The following ANO6 variants were observed in gnomAD, a reference collection of about 807,000 sequenced individuals.
ANO6 encodes the protein anoctamin-6.
In ANO6, 106 loss-of-function variants were observed where a neutral mutation model predicts 117.5. That is an observed-to-expected ratio of 0.90 (90% CI 0.77 to 1.06). The LOEUF (loss-of-function observed/expected upper bound fraction) is 1.06. Ranked by LOEUF, ANO6 falls within the 50% of genes least tolerant of loss-of-function variation. The pLI is 0.00. For missense variants in ANO6, 955 were observed against 1,121.1 expected, an observed-to-expected ratio of 0.85 and a Z score of 2.12; for synonymous variants, 367 against 385.1, an observed-to-expected ratio of 0.95 and a Z score of 0.55.
Position 45,312,800 on chromosome 12 carries a change from C to T in ANO6, c.150+10707C>T, listed in dbSNP as rs1939889143. On this transcript the variant is annotated intron_variant, in intron 2 of 19. Coordinates refer to ENST00000320560, the MANE Select transcript of ANO6 (RefSeq NM_001025356.3). ...CTGACAGATTATAATAACTACCAAA[C>T]AGCATCTCCATTAATTGTAATGGGC... Among the ~76,000 whole-genome samples, 3 of 152,154 alleles carry T rather than the reference C, an allele frequency of 2.0e-5. 1 individual carries two copies. The Middle Eastern group carries it at 0.01, about 518-fold the overall frequency.
chr12:45,325,550 T>C (rs753839691), intron 2 of ANO6, among the ~76,000 whole-genome samples: 1 of 152,222 alleles, frequency 6.6e-6, no homozygotes, highest in Non-Finnish European at 1.5e-5. Context: ...TAAAGTTTGA[T>C]CTCTCCTACA....
At chr12:45,305,827 C>G (rs180779380) in intron 2 of ANO6, among the ~76,000 whole-genome samples, 8 of 152,124 alleles carry the variant, frequency 5.3e-5, no homozygotes, top group African/African-American at 1.9e-4. Context: ...AATCCCAGGT[C>G]TGGTTAAGAG....
At chr12:45,345,108 C>T (rs1234931077) in intron 3 of ANO6, among the ~76,000 whole-genome samples, 1 of 152,174 alleles carries the variant, frequency 6.6e-6, no homozygotes. Context: ...GTTCAAATTG[C>T]AGCCAATAGT....
At chr12:45,269,562 A>C (rs1180831041) in intron 1 of ANO6, among the ~76,000 whole-genome samples, 1 of 152,230 alleles carries the variant, frequency 6.6e-6, no homozygotes, top group African/African-American at 2.4e-5. Context: ...CTGTTTGTTT[A>C]GTTCACCATT....
At chr12:45,376,104 C>G (rs1174388349) in intron 9 of ANO6, among the ~76,000 whole-genome samples, 2,229 of 151,502 alleles carry the variant, frequency 0.015, 51 homozygotes, top group African/African-American at 0.051. Flanking sequence ...TGAAAAAATG[C>G]TCATCATCAC....
chr12:45,286,052 A>T (rs1326020682), intron 1 of ANO6, among the ~76,000 whole-genome samples: 4 of 152,224 alleles, frequency 2.6e-5, no homozygotes, highest in Admixed American at 2.0e-4. Flanking sequence ...ACCTGAGGCT[A>T]CTGGGCTGTG....
chr12:45,351,679 G>A (rs1483951736), intron 7 of ANO6, among the ~76,000 whole-genome samples: 2 of 152,152 alleles, frequency 1.3e-5, no homozygotes, highest in Non-Finnish European at 2.9e-5. Flanking sequence ...TCTAGGAATA[G>A]GGGCAGCTTG....
At chr12:45,270,485 C>T in intron 1 of ANO6, 1 of 1,469,944 alleles carries the variant, frequency 6.8e-7, no homozygotes, top group Non-Finnish European at 9.2e-7. Context: ...CTCCAGGAGG[C>T]CTTTTCTGAC....
chr12:45,291,033 A>G (rs1422446884), intron 1 of ANO6, among the ~76,000 whole-genome samples: 1 of 152,226 alleles, frequency 6.6e-6, no homozygotes, highest in African/African-American at 2.4e-5. Context: ...GATACACTCA[A>G]TGAGGAAAGA....
At chr12:45,218,786 A>T (rs1947353861) in intron 1 of ANO6, among the ~76,000 whole-genome samples, 1 of 152,122 alleles carries the variant, frequency 6.6e-6, no homozygotes. Flanking sequence ...CTCTGCCTTT[A>T]ATTTTGCAAT....
intron 16 of ANO6, among the ~76,000 whole-genome samples, chr12:45,409,889 G>A (rs368493167): frequency 1.3e-5 from 2 of 152,074 alleles, no homozygotes; most frequent in African/African-American, 4.8e-5. Context: ...CTGAGTAGCC[G>A]GGATTACAGG....
intron 3 of ANO6, among the ~76,000 whole-genome samples, chr12:45,338,272 A>T (rs2137421521): frequency 6.6e-6 from 1 of 152,232 alleles, no homozygotes; most frequent in African/African-American, 2.4e-5. Context: ...ATGAATCCTC[A>T]TAAAGAGGAA....
intron 1 of ANO6, among the ~76,000 whole-genome samples, chr12:45,293,475 C>T (rs1939173041): frequency 6.6e-6 from 1 of 151,864 alleles, no homozygotes; most frequent in South Asian, 2.1e-4. Context: ...TCAATGTGAG[C>T]TGCAAATTTT....
At chr12:45,383,178 A>G in intron 10 of ANO6, 1 of 216,042 alleles carries the variant, frequency 4.6e-6, no homozygotes. Flanking sequence ...CATCTCAAGA[A>G]ACCACTTTCT....
At chr12:45,346,681 G>A (rs760188955) in intron 3 of ANO6, among the ~76,000 whole-genome samples, 1 of 152,160 alleles carries the variant, frequency 6.6e-6, no homozygotes, top group African/African-American at 2.4e-5. Context: ...AGCTCAATTT[G>A]TATGCTTTTA....
At chr12:45,407,664 A>G (rs886855642) in intron 15 of ANO6, among the ~76,000 whole-genome samples, 5 of 152,092 alleles carry the variant, frequency 3.3e-5, no homozygotes. Context: ...TCTACGTAAT[A>G]TAGGCCATAT....
chr12:45,429,611 A>G lies in ANO6; in HGVS notation c.*300A>G, dbSNP rs1212611702. On this transcript the variant is annotated 3_prime_UTR_variant, in exon 20 of 20. Transcript: ENST00000320560. ...GCTTAAAAACCACCCCTTCTAAAGTAGAATGGATTCTTTTTTTTCTGTTTG... is the reference window on the plus strand; with the variant it reads ...GCTTAAAAACCACCCCTTCTAAAGTGGAATGGATTCTTTTTTTTCTGTTTG... 8.4e-7 allele frequency: 1 copy of G among 1,190,924 alleles called. No individual in the cohort carries two copies. The highest frequency in any genetic ancestry group is 1.6e-5 in the African/African-American group (1 of 63,330). 73.8% of individuals were successfully genotyped at this position (1,190,924 alleles called of 1,614,324 possible).
rs1300021069 is a variant in ANO6, at chr12:45,357,318, T to G, written c.892T>G (p.Tyr298Asp). Residue 298 changes from tyrosine (Y) to aspartate (D), a missense_variant, in exon 8 of 20, where the codon TAC becomes GAC. Physicochemically the swap from Tyr to Asp is radical, Grantham distance 160. Coordinates refer to ENST00000320560, the MANE Select transcript of ANO6 (RefSeq NM_001025356.3). ...ATACTATGGAGAGAAGATTGGAATCTACTTTGCTTGGCTGGGCTATTACAC... is the reference window on the plus strand; with the variant it reads ...ATACTATGGAGAGAAGATTGGAATCGACTTTGCTTGGCTGGGCTATTACAC... Reference protein sequence around the residue: ...RKYYGEKIGIYFAWLGYYTQM... With the variant: ...RKYYGEKIGIDFAWLGYYTQM... The G allele has an allele frequency of 1.2e-6, 2 of 1,613,906 alleles. No individual in the cohort carries two copies. Among genetic ancestry groups the G allele is most frequent in the Non-Finnish European group, 1.7e-6 (2 of 1,179,970 alleles).
chr12:45,351,899 T>C (rs1941289972), intron 7 of ANO6, among the ~76,000 whole-genome samples: 1 of 151,966 alleles, frequency 6.6e-6, no homozygotes, highest in African/African-American at 2.4e-5. Context: ...ATGTGGAGAA[T>C]GGATTATAAG....
Sources: gnomAD v4.1 joint callset for allele counts (sites outside exome capture counted in the v4.1 genomes callset) on GRCh38, gnomAD v4.1.1 for gene constraint, MANE v1.5 for transcripts, NCBI Gene and HGNC (gene_info 2026-07-23, HGNC 2026-07-21) for gene names.